CPEB3: variants seen among roughly 807,000 people sequenced by gnomAD.
The protein encoded by CPEB3 is cytoplasmic polyadenylation element binding protein 3.
Under a neutral mutation model 67.2 loss-of-function variants are expected in CPEB3, and 20 were observed. The ratio of observed to expected loss-of-function variants is 0.30; its 90% CI spans 0.21 to 0.43. CPEB3 has a LOEUF of 0.43. CPEB3 is among the 20% of genes least tolerant of loss of function. CPEB3 has a pLI of 1.00. For missense variants in CPEB3, 746 were observed against 968.6 expected, an observed-to-expected ratio of 0.77 and a Z score of 3.05; for synonymous variants, 376 against 393.1, an observed-to-expected ratio of 0.96 and a Z score of 0.51.
intron 9 of CPEB3, among the ~76,000 whole-genome samples, chr10:92,070,747 A>T (rs1185621530): frequency 1.3e-5 from 2 of 152,088 alleles, no homozygotes; most frequent in Non-Finnish European, 2.9e-5. Context: ...ACTGTACTCC[A>T]GCCTGGACAA....
chr10:92,060,064 T>C (rs943165837), intron 9 of CPEB3, among the ~76,000 whole-genome samples: 3 of 151,804 alleles, frequency 2.0e-5, no homozygotes, highest in Admixed American at 2.0e-4. Context: ...CCCTTCATGA[T>C]AAAAACCCTC....
intron 6 of CPEB3, among the ~76,000 whole-genome samples, chr10:92,139,169 C>T (rs1326408416): frequency 3.3e-5 from 5 of 151,564 alleles, no homozygotes; most frequent in Non-Finnish European, 5.9e-5. Context: ...CCCAGCTACT[C>T]GGGAGGCTGA....
chr10:92,090,700 A>G (rs1160400718), intron 8 of CPEB3, among the ~76,000 whole-genome samples: 6 of 152,234 alleles, frequency 3.9e-5, no homozygotes, highest in Non-Finnish European at 8.8e-5. Context: ...AGTCAGAAAT[A>G]TTTCACAACA....
chr10:92,137,607 T>C (rs1348010888), intron 6 of CPEB3: 1 of 673,874 alleles, frequency 1.5e-6, no homozygotes, highest in Non-Finnish European at 2.7e-6. Flanking sequence ...TCTACATCAA[T>C]GTGGAACATG....
intron 7 of CPEB3, among the ~76,000 whole-genome samples, chr10:92,097,871 A>T (rs1375466794): frequency 2.0e-5 from 3 of 152,006 alleles, no homozygotes; most frequent in Non-Finnish European, 4.4e-5. Context: ...ATTCTATAGA[A>T]ATCTGTTCAG....
intron 2 of CPEB3, among the ~76,000 whole-genome samples, chr10:92,214,165 T>A (rs1344804339): frequency 1.3e-5 from 2 of 152,166 alleles, no homozygotes; most frequent in Non-Finnish European, 2.9e-5. Context: ...GGGGGCCTTT[T>A]GGGAAGTGAT....
intron 2 of CPEB3, among the ~76,000 whole-genome samples, chr10:92,218,951 A>G (rs1292886973): frequency 6.6e-6 from 1 of 152,110 alleles, no homozygotes; most frequent in Non-Finnish European, 1.5e-5. Context: ...ACTTTTCTAT[A>G]TATCTTTTTA....
At chr10:92,240,883 G>A (rs2134686954) in intron 1 of CPEB3, among the ~76,000 whole-genome samples, 1 of 144,708 alleles carries the variant, frequency 6.9e-6, no homozygotes, top group South Asian at 2.1e-4. Context: ...AAAAAAACCA[G>A]TATTAGCCCT....
chr10:92,122,159 C>G (rs855704), intron 6 of CPEB3, among the ~76,000 whole-genome samples: 102,384 of 152,072 alleles, frequency 0.67, 35,896 homozygotes, highest in African/African-American at 0.87. Context: ...TTGGAGGTAT[C>G]TCCTACAGGA....
intron 1 of CPEB3, among the ~76,000 whole-genome samples, chr10:92,259,557 T>C (rs1039922379): frequency 4.6e-5 from 7 of 150,952 alleles, no homozygotes; most frequent in African/African-American, 1.7e-4. Flanking sequence ...GCCGAGATCG[T>C]GCCACTGCAC....
intron 3 of CPEB3, among the ~76,000 whole-genome samples, chr10:92,181,469 TAATA>T (rs1022721313): frequency 4.1e-5 from 6 of 148,064 alleles, no homozygotes; most frequent in Non-Finnish European, 7.4e-5. Context: ...AAATGCAATA[TAATA>T]ATCAGAATGG....
At chr10:92,054,652 G>A (rs1174703132) in intron 9 of CPEB3, among the ~76,000 whole-genome samples, 1 of 152,088 alleles carries the variant, frequency 6.6e-6, no homozygotes, top group Non-Finnish European at 1.5e-5. Context: ...GTGTTGGCCA[G>A]GCTGGTCTCA....
chr10:92,288,409 G>C (rs922653445), intron 1 of CPEB3, among the ~76,000 whole-genome samples: 1 of 150,802 alleles, frequency 6.6e-6, no homozygotes, highest in Non-Finnish European at 1.5e-5. Context: ...GCAGTGAGCT[G>C]GCGCCACTGC....
In CPEB3 at chr10:92,049,759, A is replaced by T. The variant is rs1852223176; in HGVS notation, c.*2453T>A. The T allele has an allele frequency of 6.6e-6, 1 of 152,604 alleles. No homozygotes were observed. Among genetic ancestry groups the T allele is most frequent in the Non-Finnish European group, 1.5e-5 (1 of 68,032 alleles). The allele number at this position is 152,604 out of a possible 1,614,324, so 9.5% of individuals were successfully genotyped here. A position where few individuals can be genotyped will look rare whatever the true frequency, so the allele number is the denominator to read the frequency against. On this transcript the variant is annotated 3_prime_UTR_variant, in exon 10 of 10. Coordinates refer to ENST00000265997, the MANE Select transcript of CPEB3 (RefSeq NM_014912.5). ...TTTAAAAAAATCTCAGTGTTATTTT[A>T]ATACATGAAAGAGGGGTGCTTCTTC... is the stretch of plus-strand genomic sequence containing the variant.
intron 4 of CPEB3, among the ~76,000 whole-genome samples, chr10:92,168,791 CTTTT>C (rs748498383): frequency 8.4e-6 from 1 of 118,388 alleles, no homozygotes; most frequent in East Asian, 2.1e-4. Flanking sequence ...ACCTCTTGCC[CTTTT>C]TTTTTTTTTT....
intron 6 of CPEB3, 105 bp downstream of exon 6, chr10:92,142,924 G>A: frequency 1.4e-6 from 1 of 712,746 alleles, no homozygotes; most frequent in Non-Finnish European, 2.4e-6. Context: ...CCTAATTGGG[G>A]GAAAAAATTC....
At chr10:92,092,152 C>G (rs745472426) in intron 7 of CPEB3, among the ~76,000 whole-genome samples, 33 of 152,194 alleles carry the variant, frequency 2.2e-4, no homozygotes, top group Non-Finnish European at 3.8e-4. Flanking sequence ...ACTCAGCACT[C>G]TAGACATATG....
chr10:92,078,244 C>T (rs1843009265), intron 9 of CPEB3, among the ~76,000 whole-genome samples: 1 of 152,164 alleles, frequency 6.6e-6, no homozygotes, highest in South Asian at 2.1e-4. Context: ...GACTCGGGAC[C>T]AGTGCTGTTT....
At chr10:92,276,496 C>T in intron 1 of CPEB3, among the ~76,000 whole-genome samples, 1 of 151,890 alleles carries the variant, frequency 6.6e-6, no homozygotes, top group Non-Finnish European at 1.5e-5. Flanking sequence ...CCAGGCTGGT[C>T]TTGAACTCCT....
Sources: allele counts gnomAD v4.1 joint callset (sites outside exome capture counted in the v4.1 genomes callset), GRCh38; gene constraint gnomAD v4.1.1; transcripts MANE v1.5; gene names NCBI Gene and HGNC (gene_info 2026-07-23, HGNC 2026-07-21).